Variants in RCOR1 observed in about 807,000 individuals in gnomAD.
The protein encoded by RCOR1 is REST corepressor.
Under a neutral mutation model 64.0 loss-of-function variants are expected in RCOR1, and 12 were observed. That is an observed-to-expected ratio of 0.19 (90% CI 0.12 to 0.30). The LOEUF (loss-of-function observed/expected upper bound fraction) is 0.30. RCOR1 is among the 10% of genes least tolerant of loss of function. The pLI is 1.00. For missense variants in RCOR1, 502 were observed against 621.2 expected, an observed-to-expected ratio of 0.81 and a Z score of 2.04; for synonymous variants, 279 against 227.2, an observed-to-expected ratio of 1.23 and a Z score of -2.05.
rs151284209 is a variant in RCOR1, at chr14:102,697,752, G to A, written c.446-3526G>A. 6.2e-3 allele frequency among the ~76,000 whole-genome samples: 905 copies of A among 146,948 alleles called. 9 individuals carry two copies. Among genetic ancestry groups the A allele is most frequent in the African/African-American group, 0.022 (872 of 39,698 alleles). On this transcript the variant is annotated intron_variant, in intron 3 of 11. Transcript: ENST00000262241. ...TTTTTTTTTTTTTGGACAGGGTCTC[G>A]CTCTGTTGCCCAGGTTGGAATGCAG...
intron 6 of RCOR1, among the ~76,000 whole-genome samples, chr14:102,709,530 CAT>C (rs1248968011): frequency 2.0e-5 from 3 of 152,178 alleles, no homozygotes; most frequent in East Asian, 1.9e-4. Flanking sequence ...GAAAGAGTAA[CAT>C]GTGAGAACAC....
At chr14:102,621,356 C>G (rs1382555265) in intron 2 of RCOR1, among the ~76,000 whole-genome samples, 1 of 149,018 alleles carries the variant, frequency 6.7e-6, no homozygotes, top group Admixed American at 6.8e-5. Flanking sequence ...GTCTTGCACA[C>G]CAGTCTTTGT....
intron 2 of RCOR1, among the ~76,000 whole-genome samples, chr14:102,623,394 AT>A (rs1196405245): frequency 2.4e-3 from 323 of 136,074 alleles, no homozygotes; most frequent in African/African-American, 9.3e-3. Context: ...TTTATTATTT[AT>A]TTATTTATTT....
chr14:102,622,773 C>T (rs1394341141), intron 2 of RCOR1, among the ~76,000 whole-genome samples: 1 of 152,132 alleles, frequency 6.6e-6, no homozygotes, highest in Admixed American at 6.6e-5. Context: ...GTAGCATGTC[C>T]TCTTTTTCTT....
rs551709870 is a variant in RCOR1, at chr14:102,643,033, T to A, written c.362-38862T>A. Among the ~76,000 whole-genome samples the A allele has an allele frequency of 2.0e-5, 3 of 152,114 alleles. No homozygotes were observed. The South Asian group carries it at 6.2e-4, about 32-fold the overall frequency. ...CGCAGTGGCTCACGCCTGTAATCCC[T>A]GCACTTTGGGAGGCCGAGGCGGGCA... On this transcript the variant is annotated intron_variant, in intron 2 of 11. Transcript: ENST00000262241.
At chr14:102,720,543 A>G (rs1055129351) in intron 8 of RCOR1, among the ~76,000 whole-genome samples, 3 of 151,960 alleles carry the variant, frequency 2.0e-5, no homozygotes, top group Admixed American at 6.6e-5. Flanking sequence ...CCCTGTGTAG[A>G]AGCGGTGGAC....
chr14:102,636,799 C>T (rs1384177258), intron 2 of RCOR1, among the ~76,000 whole-genome samples: 4 of 151,916 alleles, frequency 2.6e-5, no homozygotes, highest in African/African-American at 7.2e-5. Flanking sequence ...GTGAAACCCC[C>T]GTCTCTACTA....
chr14:102,659,395 C>G, intron 2 of RCOR1: 1 of 406,266 alleles, frequency 2.5e-6, no homozygotes, highest in Middle Eastern at 1.2e-3. Flanking sequence ...ACAATATTAA[C>G]AACAATAAAA....
At chr14:102,682,054 C>G (rs928777178) in intron 3 of RCOR1, 76 bp downstream of exon 3, 3 of 804,318 alleles carry the variant, frequency 3.7e-6, no homozygotes, top group Non-Finnish European at 6.1e-6. Flanking sequence ...AAGGTAAAAG[C>G]TTCTATATGT....
At chr14:102,715,049 C>A (rs1365091305) in intron 8 of RCOR1, among the ~76,000 whole-genome samples, 1 of 151,638 alleles carries the variant, frequency 6.6e-6, no homozygotes, top group Non-Finnish European at 1.5e-5. Flanking sequence ...CCTGACTCCT[C>A]CTTGTAGGTG....
intron 2 of RCOR1, among the ~76,000 whole-genome samples, chr14:102,636,319 C>T (rs1476168401): frequency 3.3e-5 from 5 of 151,886 alleles, no homozygotes; most frequent in Non-Finnish European, 7.4e-5. Flanking sequence ...CTCTTGTCGC[C>T]CAGGCTGGAG....
At chr14:102,722,076 C>T in intron 10 of RCOR1, 111 bp from the exon 11 acceptor site, 2 of 742,108 alleles carry the variant, frequency 2.7e-6, no homozygotes, top group Non-Finnish European at 4.5e-6. Context: ...TTATTGCCTG[C>T]TGTTAAAAGC....
At position 102,727,297 on chromosome 14, in the gene RCOR1, C is replaced by A. The variant is rs1437145630; in HGVS notation, c.*791C>A. ...CTTTTCCTGACCCCCCCCACCCCCC[C>A]ACCTCCAAGAGGTTCGGCCCACATC... On this transcript the variant is annotated 3_prime_UTR_variant, in exon 12 of 12. Coordinates refer to ENST00000262241, the MANE Select transcript of RCOR1 (RefSeq NM_015156.4). 2.0e-5 allele frequency: 3 copies of A among 150,682 alleles called. No individual in the cohort carries two copies. The highest frequency in any genetic ancestry group is 4.4e-5 in the Non-Finnish European group (3 of 67,538). The allele number at this position is 150,682 out of a possible 1,614,324, so 9.3% of individuals were successfully genotyped here. A position where few individuals can be genotyped will look rare whatever the true frequency, so the allele number is the denominator to read the frequency against.
At position 102,714,454 on chromosome 14, in the gene RCOR1, A is replaced by G; in HGVS notation, c.890A>G (p.Lys297Arg). The G allele has an allele frequency of 1.2e-6, 2 of 1,612,412 alleles. No homozygotes were observed. Among genetic ancestry groups the G allele is most frequent in the Admixed American group, 3.3e-5 (2 of 59,716 alleles). Residue 297 changes from lysine to arginine, a missense_variant, in exon 8 of 12, where the codon AAA becomes AGA. Lys to Arg is a conservative substitution (Grantham distance 26). Around this residue, in one of 2 missense-constraint regions of RCOR1, gnomAD observed 260 missense variants for 416.4 expected, o/e 0.62. Transcript: ENST00000262241. ...VPPTETVPQV[K>R]KEKHSTQAKN... ...CCTACTGAGACAGTTCCTCAGGTCAAAAAAGAAAAACATAGCACACAAGCT... is the reference window on the plus strand; with the variant it reads ...CCTACTGAGACAGTTCCTCAGGTCAGAAAAGAAAAACATAGCACACAAGCT...
chr14:102,661,015 T>C lies in RCOR1; in HGVS notation c.362-20880T>C, dbSNP rs149679337. On this transcript the variant is annotated intron_variant, in intron 2 of 11. Coordinates refer to ENST00000262241, the MANE Select transcript of RCOR1 (RefSeq NM_015156.4). ...TAAAGAGAGAATGTGGGGGTAGAAG[T>C]CTAATAAAATCCTCACAAATCTGGA... Among the ~76,000 whole-genome samples the C allele has an allele frequency of 3.7e-3, 569 of 152,184 alleles. 4 individuals carry two copies. Among genetic ancestry groups the C allele is most frequent in the African/African-American group, 8.9e-3 (369 of 41,514 alleles).
chr14:102,609,788 C>T (rs545167214), intron 2 of RCOR1, among the ~76,000 whole-genome samples: 2 of 151,742 alleles, frequency 1.3e-5, no homozygotes, highest in African/African-American at 2.4e-5. Flanking sequence ...TGGAGTTACT[C>T]GATCCTTCCC....
At chr14:102,600,956 G>A (rs1378715216) in intron 2 of RCOR1, among the ~76,000 whole-genome samples, 1 of 151,342 alleles carries the variant, frequency 6.6e-6, no homozygotes, top group African/African-American at 2.4e-5. Flanking sequence ...TTGGGAGGCC[G>A]AGGCAGGCGG....
At chr14:102,682,393 ATGTTGGGATT>A (rs1316031194) in intron 3 of RCOR1, among the ~76,000 whole-genome samples, 1 of 152,122 alleles carries the variant, frequency 6.6e-6, no homozygotes, top group African/African-American at 2.4e-5. Context: ...GCCTCCCAAA[ATGTTGGGATT>A]ACAGGTGTGA....
At chr14:102,649,426 G>A (rs1054446165) in intron 2 of RCOR1, among the ~76,000 whole-genome samples, 1 of 152,192 alleles carries the variant, frequency 6.6e-6, no homozygotes, top group South Asian at 2.1e-4. Flanking sequence ...CACTGTCTTT[G>A]AGGGGAAATT....
Sources: allele counts gnomAD v4.1 joint callset (sites outside exome capture counted in the v4.1 genomes callset), GRCh38; gene constraint gnomAD v4.1.1; regional missense constraint gnomAD v4.1.1; transcripts MANE v1.5; gene names NCBI Gene and HGNC (gene_info 2026-07-23, HGNC 2026-07-21).